The following ABCC1 variants were observed in gnomAD, a reference collection of about 807,000 sequenced individuals.
The protein encoded by ABCC1 is multidrug resistance-associated protein 1.
ABCC1 carries 83 observed loss-of-function variants against 172.9 expected under a neutral mutation model. That is an observed-to-expected ratio of 0.48 (90% CI 0.40 to 0.58). ABCC1 has a LOEUF of 0.58. Among genes scored for constraint, ABCC1 ranks in the 20% least tolerant of loss-of-function variants. The pLI, the probability that ABCC1 is intolerant of heterozygous loss-of-function variation, is 0.00. For synonymous variants in ABCC1, 937 were observed against 825.2 expected (o/e 1.14, Z -2.32); for missense variants, 1,817 against 2,002.7 (o/e 0.91, Z 1.77).
chr16:15,976,935 G>C (rs914373063), intron 1 of ABCC1, among the ~76,000 whole-genome samples: 6 of 152,200 alleles, frequency 3.9e-5, no homozygotes, highest in Non-Finnish European at 8.8e-5. Context: ...CTGCCCCAGA[G>C]CCTGTGCCCT....
intron 1 of ABCC1, among the ~76,000 whole-genome samples, chr16:16,006,865 C>T (rs1005205204): frequency 1.2e-4 from 17 of 146,070 alleles, no homozygotes; most frequent in South Asian, 4.4e-4. Flanking sequence ...GTGGCGGTGG[C>T]GGTGGCGGTG....
At chr16:16,131,030 A>G (rs1483729760) in intron 26 of ABCC1, among the ~76,000 whole-genome samples, 1 of 152,166 alleles carries the variant, frequency 6.6e-6, no homozygotes, top group Non-Finnish European at 1.5e-5. Context: ...CTGAGGCAGG[A>G]GAGTCGCTTG....
intron 5 of ABCC1, among the ~76,000 whole-genome samples, chr16:16,025,431 A>G (rs1381863973): frequency 6.6e-6 from 1 of 152,224 alleles, no homozygotes; most frequent in African/African-American, 2.4e-5. Flanking sequence ...GTTCCCAACA[A>G]GTTCCCAGGT....
intron 10 of ABCC1, among the ~76,000 whole-genome samples, chr16:16,051,644 C>G (rs1293377027): frequency 7.9e-5 from 12 of 152,152 alleles, no homozygotes; most frequent in African/African-American, 2.7e-4. Context: ...ACCAGGGAAG[C>G]TTGGTAGGAG....
intron 28 of ABCC1, among the ~76,000 whole-genome samples, chr16:16,134,981 C>G (rs1428708470): frequency 6.6e-6 from 1 of 152,060 alleles, no homozygotes; most frequent in Non-Finnish European, 1.5e-5. Context: ...CTGCTGCTTC[C>G]CTGAATTTCC....
chr16:16,108,199 C>T (rs547981026), intron 21 of ABCC1, among the ~76,000 whole-genome samples: 1 of 151,866 alleles, frequency 6.6e-6, no homozygotes, highest in South Asian at 2.1e-4. Context: ...AACATCAAAG[C>T]CAGGGGGCTT....
intron 18 of ABCC1, 57 bp from the exon 19 acceptor site, chr16:16,090,348 A>G: frequency 6.7e-7 from 1 of 1,484,492 alleles, no homozygotes; most frequent in African/African-American, 1.4e-5. Context: ...CACTCTGCCA[A>G]GCTAGGCAGT....
At chr16:15,998,406 C>A (rs530582600) in intron 1 of ABCC1, among the ~76,000 whole-genome samples, 26 of 152,288 alleles carry the variant, frequency 1.7e-4, no homozygotes, top group Middle Eastern at 3.4e-3. Context: ...GGTTTACAGG[C>A]GTGAGCCACT....
rs2044792119 is a variant in ABCC1 at position 16,114,989 on chromosome 16, C to T, written c.3303C>T (p.Val1101=). 1.1e-5 allele frequency: 17 copies of T among 1,614,206 alleles called. No individual in the cohort carries two copies. The highest frequency in any genetic ancestry group is 1.2e-5 in the Non-Finnish European group (14 of 1,180,032). The part of the protein sequence containing the change: ...IKMFMGSLFN[V]IGACIVILLA... ...TGTTCATGGGCTCCCTGTTCAACGT[C>T]ATTGGTGCCTGCATCGTTATCCTGC... The change falls in exon 23 of 31, where the codon GTC becomes GTT. Residue 1101 remains valine, a synonymous_variant. Transcript: ENST00000399410.
intron 19 of ABCC1, chr16:16,097,859 T>G (rs2051551309): frequency 6.6e-6 from 1 of 152,320 alleles, no homozygotes; most frequent in African/African-American, 2.4e-5. Flanking sequence ...GTGCATCTTG[T>G]GTAACTGCAC....
At chr16:16,026,377 T>C (rs1381666272) in intron 5 of ABCC1, among the ~76,000 whole-genome samples, 1 of 125,370 alleles carries the variant, frequency 8.0e-6, no homozygotes, top group African/African-American at 3.1e-5. Flanking sequence ...GAGGCTGCAG[T>C]GAGCTGAGAA....
chr16:16,096,948 T>C (rs907368531), intron 19 of ABCC1, among the ~76,000 whole-genome samples: 18 of 152,200 alleles, frequency 1.2e-4, no homozygotes, highest in African/African-American at 4.3e-4. Flanking sequence ...CTTGCTACTT[T>C]ATAGCATTCT....
intron 28 of ABCC1, among the ~76,000 whole-genome samples, chr16:16,136,144 C>T (rs780222921): frequency 1.9e-4 from 29 of 151,962 alleles, no homozygotes; most frequent in Non-Finnish European, 3.7e-4. Flanking sequence ...CTGCCTCAGT[C>T]TCCTGAGTAG....
At chr16:15,958,696 G>A (rs772793178) in intron 1 of ABCC1, among the ~76,000 whole-genome samples, 7 of 152,132 alleles carry the variant, frequency 4.6e-5, no homozygotes, top group Non-Finnish European at 8.8e-5. Flanking sequence ...GCTTCCCCCC[G>A]CTTAGCAAGA....
intron 3 of ABCC1, 82 bp downstream of exon 3, chr16:16,009,983 C>G: frequency 1.0e-6 from 1 of 995,106 alleles, no homozygotes; most frequent in Non-Finnish European, 1.3e-6. Context: ...AGACTAGAAT[C>G]ATAGTTTTTT....
intron 19 of ABCC1, among the ~76,000 whole-genome samples, chr16:16,092,418 C>G (rs1237944696): frequency 6.6e-6 from 1 of 152,148 alleles, no homozygotes; most frequent in Non-Finnish European, 1.5e-5. Flanking sequence ...CCTAGGCAAC[C>G]ACTAATCTTT....
chr16:15,976,196 G>A (rs2046487755), intron 1 of ABCC1, among the ~76,000 whole-genome samples: 2 of 152,144 alleles, frequency 1.3e-5, no homozygotes, highest in Admixed American at 1.3e-4. Context: ...GAACCTGGGA[G>A]GCAGACATTG....
chr16:16,051,043 G>A (rs918581243), intron 10 of ABCC1, among the ~76,000 whole-genome samples: 2 of 152,158 alleles, frequency 1.3e-5, no homozygotes, highest in African/African-American at 2.4e-5. Context: ...TTTATGAACC[G>A]TTAAGAAAAT....
chr16:16,056,599 G>A (rs141882935), intron 12 of ABCC1: 105 of 412,474 alleles, frequency 2.5e-4, no homozygotes, highest in African/African-American at 2.0e-3. Flanking sequence ...AACCTGGGAG[G>A]CGACGGTTGG....
Sources: gnomAD v4.1 joint callset for allele counts (sites outside exome capture counted in the v4.1 genomes callset) on GRCh38, gnomAD v4.1.1 for gene constraint, MANE v1.5 for transcripts, NCBI Gene and HGNC (gene_info 2026-07-23, HGNC 2026-07-21) for gene names.